The following HERC2 variants were observed in gnomAD, a reference collection of about 807,000 sequenced individuals.
HERC2 encodes E3 ubiquitin-protein ligase HERC2.
Under a neutral mutation model 537.7 loss-of-function variants are expected in HERC2, and 102 were observed. That is an observed-to-expected ratio of 0.19 (90% CI 0.16 to 0.22). The LOEUF (loss-of-function observed/expected upper bound fraction) is 0.22, where lower values mean the gene tolerates loss of function less well. HERC2 is among the 10% of genes least tolerant of loss of function. The probability of loss-of-function intolerance (pLI) is 1.00; values close to 1 mark genes in which losing one functional copy is unlikely to be tolerated. For missense variants in HERC2, 4,236 were observed against 6,198.2 expected (o/e 0.68, Z 10.63); for synonymous variants, 2,224 against 2,466.2 (o/e 0.90, Z 2.91).
In HERC2 at chr15:28,268,411, G is replaced by T; in HGVS notation, c.1598+54C>A. ...CACTTCTGCGCTCCATCCTGTTTAG[G>T]ATATGGCAACATAAAAGGAGAGTGT... On this transcript the variant is annotated intron_variant, in intron 12 of 92. Coordinates refer to ENST00000261609, the MANE Select transcript of HERC2 (RefSeq NM_004667.6). The surrounding 1 kb of genome is among the most constrained non-coding windows in gnomAD (Gnocchi z 4.7). 2 of 1,541,268 alleles carry T rather than the reference G, an allele frequency of 1.3e-6. No individual in the cohort carries two copies. Among genetic ancestry groups the T allele is most frequent in the Non-Finnish European group, 1.8e-6 (2 of 1,123,470 alleles).
At chr15:28,146,415 A>G in intron 70 of HERC2, 71 bp from the exon 71 acceptor site, 2 of 1,037,632 alleles carry the variant, frequency 1.9e-6, no homozygotes, top group Non-Finnish European at 3.0e-6. Context: ...CAGTGAAACT[A>G]AAACCACATT....
At chr15:28,210,174 T>C (rs531551915) in intron 44 of HERC2, among the ~76,000 whole-genome samples, 21 of 151,210 alleles carry the variant, frequency 1.4e-4, no homozygotes, top group Admixed American at 6.6e-4. Flanking sequence ...TGCTCTGTCG[T>C]CCAGGCTGGA....
intron 83 of HERC2, 71 bp from the exon 84 acceptor site, chr15:28,125,264 C>A: frequency 8.0e-7 from 1 of 1,256,946 alleles, no homozygotes. Flanking sequence ...CAGTGTCTTC[C>A]CACCACACAC....
chr15:28,295,112 A>C (rs1596414532), intron 3 of HERC2, among the ~76,000 whole-genome samples: 1 of 152,292 alleles, frequency 6.6e-6, no homozygotes, highest in South Asian at 2.1e-4. Context: ...AACACTGATA[A>C]CACCAAGTGC....
chr15:28,115,905 G>A (rs1888183621), intron 88 of HERC2, among the ~76,000 whole-genome samples: 2 of 152,198 alleles, frequency 1.3e-5, no homozygotes, highest in South Asian at 4.1e-4. Flanking sequence ...CACAGCCGAG[G>A]ACACCCTGCA....
intron 2 of HERC2, among the ~76,000 whole-genome samples, chr15:28,312,225 A>G (rs1433774970): frequency 1.3e-5 from 2 of 152,400 alleles, no homozygotes; most frequent in East Asian, 3.9e-4. Flanking sequence ...TAGACTGTGA[A>G]CAAGCAAAAG....
chr15:28,274,875 C>A (rs781593011), intron 6 of HERC2, 30 bp downstream of exon 6: 2 of 1,550,744 alleles, frequency 1.3e-6, no homozygotes, highest in Admixed American at 3.3e-5. Flanking sequence ...ATTAGGGAAG[C>A]AGAACAACGC....
chr15:28,311,749 A>G (rs1423789805), intron 2 of HERC2, among the ~76,000 whole-genome samples: 1 of 152,112 alleles, frequency 6.6e-6, no homozygotes, highest in East Asian at 1.9e-4. Context: ...ACCCAAGCAG[A>G]GAGGGGAGAC....
At chr15:28,259,986 A>AG (rs1295117866) in intron 16 of HERC2, among the ~76,000 whole-genome samples, 1 of 150,918 alleles carries the variant, frequency 6.6e-6, no homozygotes, top group Non-Finnish European at 1.5e-5. Flanking sequence ...AAAAAAAAAA[A>AG]AAAAGAGTAG....
chr15:28,209,580 T>C (rs1196241847), intron 44 of HERC2, among the ~76,000 whole-genome samples: 1 of 152,202 alleles, frequency 6.6e-6, no homozygotes, highest in African/African-American at 2.4e-5. Flanking sequence ...CCTGACCTCG[T>C]GATCTGCCCG....
At chr15:28,152,149 A>G (rs1892520398) in intron 70 of HERC2, among the ~76,000 whole-genome samples, 1 of 152,240 alleles carries the variant, frequency 6.6e-6, no homozygotes. Flanking sequence ...AGCACCTTGC[A>G]GAAGGACGGG....
chr15:28,230,133 G>GA (rs1901675676), intron 31 of HERC2, among the ~76,000 whole-genome samples: 2 of 152,236 alleles, frequency 1.3e-5, no homozygotes, highest in South Asian at 4.1e-4. Flanking sequence ...TATATTTAAG[G>GA]AATGAATGGT....
intron 2 of HERC2, among the ~76,000 whole-genome samples, chr15:28,304,362 T>C (rs912161225): frequency 6.0e-5 from 9 of 150,888 alleles, no homozygotes; most frequent in Non-Finnish European, 1.2e-4. Context: ...GCCCTTTATT[T>C]CTTCTTTTTT....
intron 2 of HERC2, among the ~76,000 whole-genome samples, chr15:28,299,833 C>T (rs376808431): frequency 1.2e-4 from 19 of 152,014 alleles, no homozygotes; most frequent in South Asian, 6.2e-4. Context: ...GGGCACATCA[C>T]GGGGGATCAG....
At chr15:28,130,726 A>G (rs6416603) in intron 81 of HERC2, 132 bp from the exon 82 acceptor site, 717,812 of 737,394 alleles carry the variant, frequency 0.97, 350,131 homozygotes, top group Non-Finnish European at 0.99. Context: ...TTAGTGCAAC[A>G]TAAAATCATA....
At chr15:28,144,290 T>A in intron 72 of HERC2, 55 bp from the exon 73 acceptor site, 1 of 1,578,072 alleles carries the variant, frequency 6.3e-7, no homozygotes, top group Non-Finnish European at 8.6e-7. Context: ...TACCACCCCA[T>A]AAGAAGCCGC....
At chr15:28,320,827 G>A (rs1459018060) in intron 2 of HERC2, among the ~76,000 whole-genome samples, 1 of 152,100 alleles carries the variant, frequency 6.6e-6, no homozygotes, top group Non-Finnish European at 1.5e-5. Flanking sequence ...GGCCAACATT[G>A]TTTCCTCACA....
intron 5 of HERC2, among the ~76,000 whole-genome samples, chr15:28,278,426 C>T (rs556617202): frequency 6.6e-6 from 1 of 152,190 alleles, no homozygotes; most frequent in African/African-American, 2.4e-5. Context: ...ACACCCAATA[C>T]AAGGTAAATG....
chr15:28,135,790 C>A, intron 78 of HERC2, 98 bp from the exon 79 acceptor site: 1 of 845,740 alleles, frequency 1.2e-6, no homozygotes, highest in African/African-American at 1.7e-5. Context: ...GACATTTTTA[C>A]CACATAGAAA....
Sources: allele counts gnomAD v4.1 joint callset (sites outside exome capture counted in the v4.1 genomes callset), GRCh38; gene constraint gnomAD v4.1.1; non-coding constraint Gnocchi (gnomAD v3.1); transcripts MANE v1.5; gene names NCBI Gene and HGNC (gene_info 2026-07-23, HGNC 2026-07-21).